The following CDYL variants were observed in gnomAD, a reference collection of about 807,000 sequenced individuals.
The protein encoded by CDYL is chromodomain Y like.
In CDYL, 8 loss-of-function variants were observed where a neutral mutation model predicts 47.3. The observed-to-expected ratio is 0.17, with a 90% CI of 0.10 to 0.31. CDYL has a LOEUF of 0.31. Ranked by LOEUF, CDYL falls within the 10% of genes least tolerant of loss-of-function variation. CDYL has a pLI of 1.00. For synonymous variants in CDYL, 266 were observed against 265.0 expected (o/e 1.00, Z -0.04); for missense variants, 471 against 701.4 (o/e 0.67, Z 3.71).
At chr6:4,712,701 G>A (rs1018602685) in intron 1 of CDYL, among the ~76,000 whole-genome samples, 1 of 152,192 alleles carries the variant, frequency 6.6e-6, no homozygotes, top group East Asian at 1.9e-4. Context: ...CTGTTAGAAC[G>A]AGATAATTTC....
intron 3 of CDYL, among the ~76,000 whole-genome samples, chr6:4,768,948 A>G (rs1758296193): frequency 6.6e-6 from 1 of 152,216 alleles, no homozygotes; most frequent in African/African-American, 2.4e-5. Flanking sequence ...ATATCATGAG[A>G]CAAATATCAG....
intron 5 of CDYL, among the ~76,000 whole-genome samples, chr6:4,945,875 A>AG (rs1758498976): frequency 6.6e-6 from 1 of 152,212 alleles, no homozygotes; most frequent in South Asian, 2.1e-4. Context: ...CACCACCCTG[A>AG]GGCACCCCAT....
intron 1 of CDYL, among the ~76,000 whole-genome samples, chr6:4,848,414 A>G (rs1760724684): frequency 6.6e-6 from 1 of 152,220 alleles, no homozygotes; most frequent in Non-Finnish European, 1.5e-5. Flanking sequence ...CTAGATAATC[A>G]ATTTGGAAAC....
At chr6:4,723,434 GAC>G (rs1419356788) in intron 2 of CDYL, among the ~76,000 whole-genome samples, 5 of 152,148 alleles carry the variant, frequency 3.3e-5, no homozygotes, top group East Asian at 3.9e-4. Context: ...GCGATCTGAC[GAC>G]AGTGTCACAA....
chr6:4,837,049 G>C (rs1481131580), intron 1 of CDYL, among the ~76,000 whole-genome samples: 1 of 152,178 alleles, frequency 6.6e-6, no homozygotes, highest in Non-Finnish European at 1.5e-5. Context: ...CTCGTACAGT[G>C]CCTTATACAT....
At chr6:4,861,366 G>A (rs547269590) in intron 1 of CDYL, among the ~76,000 whole-genome samples, 1 of 152,216 alleles carries the variant, frequency 6.6e-6, no homozygotes, top group South Asian at 2.1e-4. Flanking sequence ...CTTATTGAAG[G>A]TTGGAGTGTC....
chr6:4,742,827 T>C (rs1333384292), intron 3 of CDYL, among the ~76,000 whole-genome samples: 1 of 152,220 alleles, frequency 6.6e-6, no homozygotes, highest in Non-Finnish European at 1.5e-5. Flanking sequence ...GCATTGGAGA[T>C]AGGATCATCT....
intron 3 of CDYL, among the ~76,000 whole-genome samples, chr6:4,737,002 T>C (rs1003176003): frequency 2.2e-4 from 33 of 152,260 alleles, no homozygotes; most frequent in African/African-American, 7.2e-4. Context: ...ATTCACAAAA[T>C]ATTCTGGAAT....
At chr6:4,935,046 G>A (rs901734843) in intron 2 of CDYL, among the ~76,000 whole-genome samples, 5 of 152,222 alleles carry the variant, frequency 3.3e-5, no homozygotes, top group African/African-American at 9.6e-5. Context: ...TCTATGACCC[G>A]CAGAGAAGGC....
chr6:4,876,568 C>T (rs181197756), intron 1 of CDYL, among the ~76,000 whole-genome samples: 54 of 152,196 alleles, frequency 3.5e-4, no homozygotes, highest in Middle Eastern at 3.4e-3. Context: ...CCCTCATGAA[C>T]GGTGTGATAT....
chr6:4,877,236 T>G (rs1761644950), intron 1 of CDYL, among the ~76,000 whole-genome samples: 1 of 152,268 alleles, frequency 6.6e-6, no homozygotes, highest in South Asian at 2.1e-4. Flanking sequence ...CATCTATGGC[T>G]TGTTTGTACA....
upstream of CDYL, chr6:4,772,904 C>T: frequency 2.9e-6 from 1 of 346,462 alleles, no homozygotes. Context: ...TCTGTCCCAT[C>T]CCCCATCTCC....
chr6:4,936,820 AT>A (rs1330518828), intron 3 of CDYL, among the ~76,000 whole-genome samples: 82 of 151,536 alleles, frequency 5.4e-4, no homozygotes, highest in African/African-American at 1.9e-3. Flanking sequence ...AACTTGCCTT[AT>A]CTAAGAGCCG....
chr6:4,802,340 C>G (rs1166900429), intron 1 of CDYL, among the ~76,000 whole-genome samples: 1 of 152,078 alleles, frequency 6.6e-6, no homozygotes, highest in Non-Finnish European at 1.5e-5. Context: ...GAGTTTGAGA[C>G]AAGCCTGGGC....
chr6:4,869,620 T>G (rs1363693410), intron 1 of CDYL, among the ~76,000 whole-genome samples: 1 of 152,212 alleles, frequency 6.6e-6, no homozygotes, highest in Non-Finnish European at 1.5e-5. Context: ...AATTATTTTC[T>G]TATTGATTGC....
Position 4,889,989 on chromosome 6 carries a change from C to T in CDYL, c.25-1724C>T, listed in dbSNP as rs144946166. ...GCTGGCCCTGGGGGAACCAGTGGTA[C>T]ATGGTTAAGGAGGGAGGGGAAACAA... On this transcript the variant is annotated intron_variant, in intron 1 of 6. Transcript: ENST00000397588. 1.8e-4 allele frequency: 182 copies of T among 985,278 alleles called. 1 individual carries two copies. The East Asian group carries it at 0.018, about 99-fold the overall frequency. 61.0% of individuals were successfully genotyped at this position (985,278 alleles called of 1,614,324 possible).
intron 1 of CDYL, among the ~76,000 whole-genome samples, chr6:4,863,666 A>G (rs1259917636): frequency 6.6e-6 from 1 of 152,242 alleles, no homozygotes; most frequent in Non-Finnish European, 1.5e-5. Context: ...TTCTACAAGC[A>G]TGTTTAATCA....
intron 2 of CDYL, among the ~76,000 whole-genome samples, chr6:4,718,261 TTGG>T (rs70974131): frequency 6.6e-6 from 1 of 151,906 alleles, no homozygotes; most frequent in Non-Finnish European, 1.5e-5. Flanking sequence ...TTTTTTGTCA[TTGG>T]TGGTGGTGGT....
At chr6:4,827,497 T>G (rs140381295) in intron 1 of CDYL, among the ~76,000 whole-genome samples, 1 of 152,348 alleles carries the variant, frequency 6.6e-6, no homozygotes, top group East Asian at 1.9e-4. Flanking sequence ...ATATGTAATA[T>G]CCACAATTGA....
Sources: gnomAD v4.1 joint callset for allele counts (sites outside exome capture counted in the v4.1 genomes callset) on GRCh38, gnomAD v4.1.1 for gene constraint, MANE v1.5 for transcripts, NCBI Gene and HGNC (gene_info 2026-07-23, HGNC 2026-07-21) for gene names.